The following ALDH1A1 variants were observed in gnomAD, a reference collection of about 807,000 sequenced individuals.
The protein encoded by ALDH1A1 is aldehyde dehydrogenase 1 family member A1.
A neutral mutation model predicts 62.1 loss-of-function variants in ALDH1A1; 19 were observed. The ratio of observed to expected loss-of-function variants is 0.31; its 90% CI spans 0.21 to 0.45. The LOEUF (loss-of-function observed/expected upper bound fraction) is 0.45, where lower values mean the gene tolerates loss of function less well. ALDH1A1 is among the 20% of genes least tolerant of loss of function. The probability of loss-of-function intolerance (pLI) is 1.00; values close to 1 mark genes in which losing one functional copy is unlikely to be tolerated. For synonymous variants in ALDH1A1, 231 were observed against 215.9 expected (o/e 1.07, Z -0.61); for missense variants, 521 against 607.1 (o/e 0.86, Z 1.49).
In ALDH1A1 at chr9:72,917,021, C is replaced by T. The variant is rs1466969589; in HGVS notation, c.934G>A (p.Glu312Lys). The change falls in exon 9 of 13, where the codon GAA (glutamate) becomes AAA (lysine). Residue 312 changes from glutamate (E) to lysine (K), a missense_variant. Transcript: ENST00000297785. ...CCIAASRIFV[E>K]ESIYDEFVRR... Reference sequence around the variant, plus strand: ...ACAAACTCATCATAAATTGATTCTTCCACAAAAATCCTGGATGCGGCTATA... The same window carrying T: ...ACAAACTCATCATAAATTGATTCTTTCACAAAAATCCTGGATGCGGCTATA... The T allele has an allele frequency of 1.2e-6, 2 of 1,613,776 alleles. No individual in the cohort carries two copies. The highest frequency in any genetic ancestry group is 1.7e-6 in the Non-Finnish European group (2 of 1,179,898).
intron 7 of ALDH1A1, among the ~76,000 whole-genome samples, chr9:72,920,638 A>G (rs1278904312): frequency 6.6e-6 from 1 of 152,218 alleles, no homozygotes; most frequent in African/African-American, 2.4e-5. Flanking sequence ...TGAGAAAGAA[A>G]GTCTACACTT....
rs115294789 is a variant in ALDH1A1 at position 72,901,123 on chromosome 9, A to C, written c.*85T>G. On this transcript the variant is annotated 3_prime_UTR_variant, in exon 13 of 13. Transcript: ENST00000297785. The stretch of plus-strand genomic sequence containing the variant: ...TGTTTAAAAAAATCAAGAAAAGAAA[A>C]ATTTTGTCTTTAAAATCTACTATAT... 601 of 1,038,978 alleles carry C rather than the reference A, an allele frequency of 5.8e-4. 4 individuals are homozygous for C. In the African/African-American group the frequency reaches 8.8e-3, roughly 15 times the overall value. 64.4% of individuals were successfully genotyped at this position (1,038,978 alleles called of 1,614,324 possible).
At chr9:72,924,427 T>C (rs1379017361) in intron 6 of ALDH1A1, among the ~76,000 whole-genome samples, 2 of 152,192 alleles carry the variant, frequency 1.3e-5, no homozygotes, top group African/African-American at 2.4e-5. Flanking sequence ...TCAAAAAGAT[T>C]GTATGTAAAA....
rs1176382226 is a variant in ALDH1A1 at position 72,921,248 on chromosome 9, A to G, written c.748-2426T>C. On this transcript the variant is annotated intron_variant, in intron 7 of 12. Transcript: ENST00000297785. ...CAGTGCACGACTCCTCTCAAAAAAAAAAAAAAAAAAAAATTCTTACCTTGC... is the reference window on the plus strand; with the variant it reads ...CAGTGCACGACTCCTCTCAAAAAAAGAAAAAAAAAAAAATTCTTACCTTGC... Among the ~76,000 whole-genome samples, 7 of 152,008 alleles carry G rather than the reference A, an allele frequency of 4.6e-5. No homozygotes were observed. The East Asian group carries it at 1.2e-3, about 25-fold the overall frequency.
intron 10 of ALDH1A1, 25 bp downstream of exon 10, chr9:72,911,933 A>G (rs1268659567): frequency 1.2e-6 from 2 of 1,613,040 alleles, no homozygotes; most frequent in African/African-American, 2.7e-5. Context: ...CAACAAAAAG[A>G]ACAGAACAGA....
chr9:72,934,581 C>T (rs1210989767), intron 2 of ALDH1A1, among the ~76,000 whole-genome samples: 2 of 152,046 alleles, frequency 1.3e-5, no homozygotes, highest in East Asian at 1.9e-4. Flanking sequence ...GTCTGTAGTT[C>T]TCCTTGCCTA....
intron 7 of ALDH1A1, among the ~76,000 whole-genome samples, chr9:72,921,428 T>A (rs1050041536): frequency 6.7e-6 from 1 of 150,114 alleles, no homozygotes; most frequent in African/African-American, 2.4e-5. Flanking sequence ...TTCCAGGGAG[T>A]ATGGAACTAA....
chr9:72,913,526 A>T (rs1830018062), intron 9 of ALDH1A1, among the ~76,000 whole-genome samples: 1 of 152,198 alleles, frequency 6.6e-6, no homozygotes, highest in Non-Finnish European at 1.5e-5. Context: ...TCTTATTGGA[A>T]CATATTAATC....
intron 5 of ALDH1A1, among the ~76,000 whole-genome samples, chr9:72,926,656 T>C (rs1311925101): frequency 6.6e-6 from 1 of 152,236 alleles, no homozygotes; most frequent in Non-Finnish European, 1.5e-5. Context: ...AAAATGTGTG[T>C]CATGAGTTGA....
intron 2 of ALDH1A1, among the ~76,000 whole-genome samples, chr9:72,938,261 TAA>T (rs1281535874): frequency 2.6e-5 from 4 of 152,024 alleles, no homozygotes; most frequent in Non-Finnish European, 5.9e-5. Context: ...AATAATAAAA[TAA>T]AATAAAACAT....
At chr9:72,934,984 G>A (rs1441869494) in intron 2 of ALDH1A1, among the ~76,000 whole-genome samples, 1 of 151,812 alleles carries the variant, frequency 6.6e-6, no homozygotes, top group Admixed American at 6.6e-5. Flanking sequence ...TACAATTCTG[G>A]GTCTACAATG....
intron 2 of ALDH1A1, among the ~76,000 whole-genome samples, chr9:72,935,599 C>G (rs1830337936): frequency 6.6e-6 from 1 of 152,150 alleles, no homozygotes; most frequent in African/African-American, 2.4e-5. Flanking sequence ...TTAGGTCATG[C>G]CTTAGTATTA....
chr9:72,944,917 A>C (rs539810933), intron 1 of ALDH1A1, among the ~76,000 whole-genome samples: 7 of 152,184 alleles, frequency 4.6e-5, no homozygotes, highest in Non-Finnish European at 8.8e-5. Flanking sequence ...TACTTTCTAT[A>C]TGGGGAAGCA....
chr9:72,932,657 A>C (rs1830296620), intron 2 of ALDH1A1, among the ~76,000 whole-genome samples: 1 of 152,240 alleles, frequency 6.6e-6, no homozygotes, highest in Non-Finnish European at 1.5e-5. Flanking sequence ...TATACAGTGC[A>C]TATTTGCGGC....
intron 5 of ALDH1A1, among the ~76,000 whole-genome samples, chr9:72,926,380 T>C (rs1463586175): frequency 2.0e-5 from 3 of 152,240 alleles, no homozygotes; most frequent in African/African-American, 4.8e-5. Context: ...TTCAATCTCA[T>C]TGGAGCCAAA....
intron 1 of ALDH1A1, among the ~76,000 whole-genome samples, chr9:72,947,488 C>T (rs941986216): frequency 3.3e-5 from 5 of 151,996 alleles, no homozygotes; most frequent in African/African-American, 1.2e-4. Context: ...TAGATCTATT[C>T]TTTCAACCAC....
chr9:72,946,103 A>G (rs530662924), intron 1 of ALDH1A1, among the ~76,000 whole-genome samples: 43 of 152,106 alleles, frequency 2.8e-4, no homozygotes, highest in African/African-American at 1.0e-3. Flanking sequence ...CTTGTCAGCA[A>G]CTTCTGTACA....
chr9:72,926,130 C>T (rs147054654), intron 5 of ALDH1A1, among the ~76,000 whole-genome samples: 329 of 152,294 alleles, frequency 2.2e-3, no homozygotes, highest in Admixed American at 5.5e-3. Context: ...ACACAGGTTA[C>T]GTGCTCTCTG....
chr9:72,928,898 G>A lies in ALDH1A1; in HGVS notation c.436C>T (p.Pro146Ser). The A allele has an allele frequency of 6.2e-7, 1 of 1,613,592 alleles. No homozygotes were observed. Among genetic ancestry groups the A allele is most frequent in the African/African-American group, 1.3e-5 (1 of 74,990 alleles). Residue 146 changes from proline (P) to serine (S), a missense_variant, in exon 4 of 13, where the codon CCA (proline) becomes TCA (serine). Coordinates refer to ENST00000297785, the MANE Select transcript of ALDH1A1 (RefSeq NM_000689.5). ...WADKIQGRTI[P>S]IDGNFFTYTR... ...GTTTCTCAAAGATACTTACCAATTG[G>A]TATTGTACGGCCCTGGATCTTGTCA...
Sources: allele counts gnomAD v4.1 joint callset (sites outside exome capture counted in the v4.1 genomes callset), GRCh38; gene constraint gnomAD v4.1.1; transcripts MANE v1.5; gene names NCBI Gene and HGNC (gene_info 2026-07-23, HGNC 2026-07-21).